The following PDE1C variants were observed in gnomAD, a reference collection of about 807,000 sequenced individuals.
PDE1C encodes dual specificity calcium/calmodulin-dependent 3',5'-cyclic nucleotide phosphodiesterase 1C.
A neutral mutation model predicts 93.1 loss-of-function variants in PDE1C; 62 were observed. The ratio of observed to expected loss-of-function variants is 0.67; its 90% confidence interval spans 0.54 to 0.82. PDE1C has a LOEUF of 0.82. Among genes scored for constraint, PDE1C ranks in the 40% least tolerant of loss-of-function variants. PDE1C has a pLI of 0.00. For synonymous variants in PDE1C, 325 were observed against 310.1 expected (o/e 1.05, Z -0.50); for missense variants, 742 against 884.6 (o/e 0.84, Z 2.04).
intron 1 of PDE1C, among the ~76,000 whole-genome samples, chr7:32,266,696 G>C (rs1218645908): frequency 6.6e-6 from 1 of 152,146 alleles, no homozygotes; most frequent in Non-Finnish European, 1.5e-5. Flanking sequence ...GGTCAGTGCA[G>C]GCCTCTCTGA....
chr7:31,654,484 G>A, the PDE1C span, among the ~76,000 whole-genome samples: 22 of 152,282 alleles, frequency 1.4e-4, no homozygotes, highest in East Asian at 7.7e-4. Flanking sequence ...TCTGATTTAC[G>A]TTTTGAAGTC....
At chr7:31,709,198 C>G in the PDE1C span, among the ~76,000 whole-genome samples, 1 of 152,144 alleles carries the variant, frequency 6.6e-6, no homozygotes, top group African/African-American at 2.4e-5. Flanking sequence ...AAACCTTCAT[C>G]GTTACTGACT....
intron 9 of PDE1C, among the ~76,000 whole-genome samples, chr7:31,844,473 A>C (rs1357684871): frequency 6.6e-6 from 1 of 151,788 alleles, no homozygotes; most frequent in African/African-American, 2.4e-5. Context: ...CTTTAAATAA[A>C]TTATTCTATT....
At chr7:32,095,076 A>G (rs1264925183) in intron 3 of PDE1C, among the ~76,000 whole-genome samples, 1 of 152,238 alleles carries the variant, frequency 6.6e-6, no homozygotes, top group Non-Finnish European at 1.5e-5. Flanking sequence ...CCTCTAGACT[A>G]TAAATCAACT....
At chr7:32,079,739 T>C (rs1481282766) in intron 3 of PDE1C, among the ~76,000 whole-genome samples, 2 of 152,192 alleles carry the variant, frequency 1.3e-5, no homozygotes, top group African/African-American at 2.4e-5. Context: ...CAAGTGCAAG[T>C]GTGCCAAGAG....
the PDE1C span, chr7:31,652,777 C>A: frequency 2.9e-5 from 46 of 1,613,874 alleles, no homozygotes; most frequent in African/African-American, 5.7e-4. Flanking sequence ...TTAGGTCCAA[C>A]CCCTTTGTCA....
chr7:32,314,241 C>T (rs1783122999), intron 1 of PDE1C, among the ~76,000 whole-genome samples: 2 of 152,030 alleles, frequency 1.3e-5, no homozygotes, highest in African/African-American at 4.8e-5. Flanking sequence ...GTGAAAATTG[C>T]ATTATCTTGT....
At chr7:31,799,919 G>A (rs1218646199) in intron 16 of PDE1C, among the ~76,000 whole-genome samples, 1 of 151,656 alleles carries the variant, frequency 6.6e-6, no homozygotes, top group Non-Finnish European at 1.5e-5. Context: ...ACAGTGAAAT[G>A]CAGAGCTAAG....
chr7:32,179,254 C>T (rs116102591), intron 2 of PDE1C, among the ~76,000 whole-genome samples: 3,511 of 144,196 alleles, frequency 0.024, 136 homozygotes, highest in African/African-American at 0.084. Flanking sequence ...TAGGAAGAGT[C>T]CTGACTTAGT....
the PDE1C span, among the ~76,000 whole-genome samples, chr7:31,702,679 A>C: frequency 6.6e-6 from 1 of 152,154 alleles, no homozygotes; most frequent in Non-Finnish European, 1.5e-5. Flanking sequence ...AAATTGACTT[A>C]CATCAACAAC....
intron 3 of PDE1C, among the ~76,000 whole-genome samples, chr7:32,135,652 T>C (rs1584829896): frequency 6.6e-6 from 1 of 152,322 alleles, no homozygotes; most frequent in Non-Finnish European, 1.5e-5. Flanking sequence ...AACTCTTGTA[T>C]ATTGTTGGTA....
At chr7:31,866,839 C>G (rs1795358117) in intron 6 of PDE1C, among the ~76,000 whole-genome samples, 1 of 152,052 alleles carries the variant, frequency 6.6e-6, no homozygotes. Flanking sequence ...TCCACATTCC[C>G]ACCTTGGACT....
chr7:32,085,889 C>A (rs1432086343), intron 3 of PDE1C, among the ~76,000 whole-genome samples: 1 of 146,904 alleles, frequency 6.8e-6, no homozygotes, highest in Non-Finnish European at 1.5e-5. Context: ...AAACCCACAG[C>A]CAATATCATA....
chr7:31,948,148 C>T (rs532187283), intron 2 of PDE1C, among the ~76,000 whole-genome samples: 1 of 152,104 alleles, frequency 6.6e-6, no homozygotes, highest in East Asian at 2.0e-4. Flanking sequence ...CTCTGCTCAC[C>T]AAGCAACAAC....
intron 9 of PDE1C, among the ~76,000 whole-genome samples, chr7:31,844,479 C>G (rs1412312670): frequency 6.6e-6 from 1 of 151,638 alleles, no homozygotes; most frequent in Non-Finnish European, 1.5e-5. Context: ...ATAAATTATT[C>G]TATTGTTTTC....
intron 3 of PDE1C, among the ~76,000 whole-genome samples, chr7:32,080,362 G>A (rs1796589736): frequency 6.6e-6 from 1 of 152,092 alleles, no homozygotes; most frequent in Non-Finnish European, 1.5e-5. Flanking sequence ...TCTCAGACAA[G>A]TACTGTGAAA....
intron 3 of PDE1C, among the ~76,000 whole-genome samples, chr7:32,150,900 T>C (rs1465037663): frequency 6.6e-6 from 1 of 152,162 alleles, no homozygotes; most frequent in African/African-American, 2.4e-5. Flanking sequence ...AATGTAACTC[T>C]GAGTATTTCT....
the PDE1C span, among the ~76,000 whole-genome samples, chr7:31,626,602 T>G: frequency 6.6e-6 from 1 of 152,212 alleles, no homozygotes; most frequent in Non-Finnish European, 1.5e-5. Flanking sequence ...CTGAATAGTT[T>G]TTAGCATTTG....
intron 1 of PDE1C, among the ~76,000 whole-genome samples, chr7:32,328,178 G>C (rs1461814998): frequency 2.0e-5 from 3 of 152,130 alleles, no homozygotes; most frequent in Non-Finnish European, 4.4e-5. Context: ...GTATAGAGTA[G>C]TTCTATTGTT....
Sources: gnomAD v4.1 joint callset for allele counts (sites outside exome capture counted in the v4.1 genomes callset) on GRCh38, gnomAD v4.1.1 for gene constraint, MANE v1.5 for transcripts, NCBI Gene and HGNC (gene_info 2026-07-23, HGNC 2026-07-21) for gene names.